The following UNKL variants were observed in gnomAD, a reference collection of about 807,000 sequenced individuals.
The protein encoded by UNKL is putative E3 ubiquitin-protein ligase UNKL.
Under a neutral mutation model 78.0 loss-of-function variants are expected in UNKL, and 60 were observed. The observed-to-expected ratio is 0.77, with a 90% CI of 0.63 to 0.95. The LOEUF (loss-of-function observed/expected upper bound fraction) is 0.95. Among genes scored for constraint, UNKL ranks in the 40% least tolerant of loss-of-function variants. UNKL has a pLI of 0.00. For missense variants in UNKL, 1,159 were observed against 1,045.7 expected, an observed-to-expected ratio of 1.11 and a Z score of -1.49; for synonymous variants, 608 against 474.8, an observed-to-expected ratio of 1.28 and a Z score of -3.65.
intron 12 of UNKL, 166 bp downstream of exon 12, chr16:1,369,964 G>C: frequency 1.3e-6 from 2 of 1,550,358 alleles, no homozygotes; most frequent in Non-Finnish European, 8.7e-7. Context: ...GACAGAGCGA[G>C]ACTCGGTCTG....
chr16:1,403,230 A>G lies in UNKL; in HGVS notation c.402T>C (p.Asn134=). ...CGTGCGCGAAGGCACAGTGCAGCCC[A>G]TTCTTCACGCAGTGGCCACGTGCGT... ...ETDARGHCVK[N]GLHCAFAHGP... Residue 134 remains asparagine, a synonymous_variant, in exon 3 of 15, where the codon AAT becomes AAC. Coordinates refer to ENST00000389221, the MANE Select transcript of UNKL (RefSeq NM_001372107.1). This position sits in a 1 kb window ranked among gnomAD's most constrained non-coding sequence, Gnocchi z 4.8. 6.2e-7 allele frequency: 1 copy of G among 1,614,146 alleles called. No homozygotes were observed. Among genetic ancestry groups the G allele is most frequent in the Non-Finnish European group, 8.5e-7 (1 of 1,180,012 alleles).
chr16:1,388,498 G>A (rs2036910840), intron 9 of UNKL, among the ~76,000 whole-genome samples: 2 of 152,154 alleles, frequency 1.3e-5, no homozygotes, highest in Admixed American at 6.5e-5. Flanking sequence ...AGCCCTGAGT[G>A]ACCCCCCAGA....
At chr16:1,382,571 A>G (rs950811889) in intron 10 of UNKL, among the ~76,000 whole-genome samples, 1 of 152,172 alleles carries the variant, frequency 6.6e-6, no homozygotes, top group African/African-American at 2.4e-5. Context: ...GTTCTCCGGC[A>G]GGTGCACAAC....
At chr16:1,385,087 T>C (rs563990368) in intron 10 of UNKL, 121 bp downstream of exon 10, 548 of 811,528 alleles carry the variant, frequency 6.8e-4, no homozygotes, top group Non-Finnish European at 8.5e-4. Context: ...AATACGCGTC[T>C]GGCTTCTCTA....
At chr16:1,401,877 A>G (rs1215832468) in intron 3 of UNKL, among the ~76,000 whole-genome samples, 176 bp from the exon 4 acceptor site, 1 of 152,176 alleles carries the variant, frequency 6.6e-6, no homozygotes, top group Non-Finnish European at 1.5e-5. Context: ...GTCCTCATCC[A>G]AATCCCAACC....
rs560773716 is a variant in UNKL at position 1,377,885 on chromosome 16, C to G, written c.1265-6274G>C. Among the ~76,000 whole-genome samples the G allele has an allele frequency of 2.6e-5, 4 of 152,182 alleles. No individual in the cohort carries two copies. The East Asian group carries it at 7.8e-4, about 30-fold the overall frequency. Reference sequence around the variant, plus strand: ...TGGGCTGCTCGCTCAACCCACACCCCCTGAGGCCCATGCCCAGCCTGCCTT... The same window carrying G: ...TGGGCTGCTCGCTCAACCCACACCCGCTGAGGCCCATGCCCAGCCTGCCTT... On this transcript the variant is annotated intron_variant, in intron 10 of 14. Coordinates refer to ENST00000389221, the MANE Select transcript of UNKL (RefSeq NM_001372107.1).
At chr16:1,392,537 T>C (rs1439427139) in intron 8 of UNKL, among the ~76,000 whole-genome samples, 1 of 152,080 alleles carries the variant, frequency 6.6e-6, no homozygotes, top group African/African-American at 2.4e-5. Flanking sequence ...TGGGTTCAAG[T>C]GATTCTCCCG....
intron 3 of UNKL, among the ~76,000 whole-genome samples, chr16:1,402,828 C>CA (rs750538228): frequency 0.024 from 3,043 of 124,936 alleles, 99 homozygotes; most frequent in African/African-American, 0.078. Flanking sequence ...ACTAAACATA[C>CA]AAAAAAAAAA....
At chr16:1,369,885 G>T in intron 12 of UNKL, 1 of 1,478,112 alleles carries the variant, frequency 6.8e-7, no homozygotes, top group Non-Finnish European at 9.1e-7. Flanking sequence ...TGAGGCAGGA[G>T]AATTGCTTGA....
At chr16:1,386,929 C>T (rs2036840933) in intron 9 of UNKL, among the ~76,000 whole-genome samples, 1 of 152,136 alleles carries the variant, frequency 6.6e-6, no homozygotes, top group African/African-American at 2.4e-5. Flanking sequence ...TGCCCAGGTG[C>T]GAGAAGGGGC....
chr16:1,386,559 A>G (rs2036820208), intron 9 of UNKL, among the ~76,000 whole-genome samples: 1 of 152,306 alleles, frequency 6.6e-6, no homozygotes, highest in South Asian at 2.1e-4. Context: ...TTCCAAAAAA[A>G]ATGAATTGCA....
In UNKL at chr16:1,403,590, C is replaced by G. The variant is rs2037626207; in HGVS notation, c.288-246G>C. Among the ~76,000 whole-genome samples the G allele has an allele frequency of 6.6e-6, 1 of 152,142 alleles. No homozygotes were observed. The highest frequency in any genetic ancestry group is 2.1e-4 in the South Asian group (1 of 4,830). On this transcript the variant is annotated intron_variant, in intron 2 of 14. Transcript: ENST00000389221. The surrounding 1 kb of genome is among the most constrained non-coding windows in gnomAD (Gnocchi z 4.8). ...AGTCAAACACAGTAAGAAACACAGA[C>G]CATCGCAAACCCCCAGTCAGCCAAA...
intron 2 of UNKL, among the ~76,000 whole-genome samples, chr16:1,409,313 AAC>A (rs138605454): frequency 0.011 from 1,699 of 152,274 alleles, 32 homozygotes; most frequent in African/African-American, 0.039. Flanking sequence ...CCTTAATGAG[AAC>A]CAGAACGGGT....
At chr16:1,372,157 G>C (rs1016091904) in intron 10 of UNKL, among the ~76,000 whole-genome samples, 1 of 152,030 alleles carries the variant, frequency 6.6e-6, no homozygotes, top group Non-Finnish European at 1.5e-5. Flanking sequence ...CCAGCTACTC[G>C]GGAGGCTGAG....
intron 10 of UNKL, among the ~76,000 whole-genome samples, chr16:1,384,128 A>G (rs1482565056): frequency 1.3e-5 from 2 of 152,146 alleles, no homozygotes; most frequent in Non-Finnish European, 2.9e-5. Flanking sequence ...GTGGCCATGG[A>G]ACATGGGGCT....
chr16:1,377,952 T>C (rs1293293123), intron 10 of UNKL, among the ~76,000 whole-genome samples: 6 of 152,144 alleles, frequency 3.9e-5, no homozygotes, highest in Non-Finnish European at 5.9e-5. Context: ...AAAAGCCTCA[T>C]TGCATCCTGA....
intron 9 of UNKL, among the ~76,000 whole-genome samples, chr16:1,388,988 C>T (rs1473569899): frequency 6.6e-6 from 1 of 152,226 alleles, no homozygotes; most frequent in Non-Finnish European, 1.5e-5. Context: ...GCAGCCATCA[C>T]CGCGTCCACC....
chr16:1,380,305 C>T (rs954184334), intron 10 of UNKL, among the ~76,000 whole-genome samples: 2 of 152,248 alleles, frequency 1.3e-5, no homozygotes, highest in African/African-American at 4.8e-5. Context: ...ACGACCCAGT[C>T]TACACACCAG....
chr16:1,388,467 AG>A (rs2036909816), intron 9 of UNKL, among the ~76,000 whole-genome samples: 1 of 152,266 alleles, frequency 6.6e-6, no homozygotes, highest in East Asian at 1.9e-4. Context: ...ATAAACCAAC[AG>A]GGACCAGAGA....
Sources: gnomAD v4.1 joint callset for allele counts (sites outside exome capture counted in the v4.1 genomes callset) on GRCh38, gnomAD v4.1.1 for gene constraint, Gnocchi (gnomAD v3.1) non-coding constraint, MANE v1.5 for transcripts, NCBI Gene and HGNC (gene_info 2026-07-23, HGNC 2026-07-21) for gene names.